RUNDC3B: variants seen among roughly 807,000 people sequenced by gnomAD.
RUNDC3B encodes RUN domain-containing protein 3B.
A neutral mutation model predicts 58.4 loss-of-function variants in RUNDC3B; 33 were observed. That is an observed-to-expected ratio of 0.56 (90% CI 0.43 to 0.75). RUNDC3B has a LOEUF of 0.75. Among genes scored for constraint, RUNDC3B ranks in the 30% least tolerant of loss-of-function variants. RUNDC3B has a pLI of 0.00. For synonymous variants in RUNDC3B, 193 were observed against 195.2 expected, an observed-to-expected ratio of 0.99 and a Z score of 0.10; for missense variants, 501 against 535.7, an observed-to-expected ratio of 0.94 and a Z score of 0.64.
At position 87,740,039 on chromosome 7, in the gene RUNDC3B, T is replaced by A. The variant is rs182433944; in HGVS notation, c.548+159T>A. 3.3e-3 allele frequency among the ~76,000 whole-genome samples: 496 copies of A among 152,280 alleles called. 12 individuals carry two copies. Among genetic ancestry groups the A allele is most frequent in the Non-Finnish European group, 4.9e-3 (332 of 67,984 alleles). On this transcript the variant is annotated intron_variant, in intron 5 of 10. Transcript: ENST00000394654. ...AAATGACATCAGTTTGTTTTCTAAA[T>A]GAGTTTGCTCTCAGAAAAGAGACTG...
chr7:87,733,224 G>A (rs944899510), intron 4 of RUNDC3B, among the ~76,000 whole-genome samples: 2 of 152,148 alleles, frequency 1.3e-5, no homozygotes, highest in African/African-American at 4.8e-5. Context: ...GGGAATCTTG[G>A]TGATGTGAAA....
chr7:87,825,391 T>C (rs1048651999), intron 10 of RUNDC3B, among the ~76,000 whole-genome samples: 1 of 152,056 alleles, frequency 6.6e-6, no homozygotes, highest in African/African-American at 2.4e-5. Flanking sequence ...TGCACACAAG[T>C]CAAGAATTGG....
intron 6 of RUNDC3B, among the ~76,000 whole-genome samples, chr7:87,767,025 A>T (rs58733016): frequency 0.03 from 4,512 of 152,064 alleles, 64 homozygotes; most frequent in Middle Eastern, 0.048. Context: ...TTGGTCTTTT[A>T]TACTGTTAAA....
At position 87,700,406 on chromosome 7, in the gene RUNDC3B, A is replaced by G. The variant is rs1365938540; in HGVS notation, c.239-15A>G. The G allele has an allele frequency of 1.3e-6, 2 of 1,571,500 alleles. No homozygotes were observed. Among genetic ancestry groups the G allele is most frequent in the East Asian group, 2.3e-5 (1 of 44,426 alleles). On this transcript the variant is annotated splice_polypyrimidine_tract_variant and intron_variant, in intron 2 of 10. Transcript: ENST00000394654. ...TTACTTTTTAAAATTTTATATCGCA[A>G]TTTGTCTCCTGAAGGTCAAGTAACC...
chr7:87,702,465 A>T (rs1829177798), intron 3 of RUNDC3B, among the ~76,000 whole-genome samples: 1 of 151,946 alleles, frequency 6.6e-6, no homozygotes, highest in Non-Finnish European at 1.5e-5. Flanking sequence ...TTTTTTGTAG[A>T]GATAATATCT....
chr7:87,633,001 G>A (rs911286501), intron 1 of RUNDC3B, among the ~76,000 whole-genome samples: 17 of 152,212 alleles, frequency 1.1e-4, no homozygotes, highest in Middle Eastern at 3.4e-3. Flanking sequence ...GACAAGTGAT[G>A]ATTTCACAAT....
intron 6 of RUNDC3B, among the ~76,000 whole-genome samples, chr7:87,753,883 G>A (rs1833186373): frequency 2.0e-5 from 3 of 152,086 alleles, no homozygotes; most frequent in Admixed American, 1.3e-4. Context: ...TTTGTCACAG[G>A]TAGCGACTAT....
At chr7:87,752,762 C>G (rs1244619905) in intron 6 of RUNDC3B, among the ~76,000 whole-genome samples, 1 of 152,048 alleles carries the variant, frequency 6.6e-6, no homozygotes, top group Non-Finnish European at 1.5e-5. Flanking sequence ...TGATTCTTCT[C>G]TCTTTTTTTC....
At chr7:87,676,969 A>G (rs1482407161) in intron 2 of RUNDC3B, among the ~76,000 whole-genome samples, 1 of 152,108 alleles carries the variant, frequency 6.6e-6, no homozygotes, top group East Asian at 1.9e-4. Context: ...AAAACAATCA[A>G]AAGATAACAA....
chr7:87,824,010 G>A (rs371738417), intron 10 of RUNDC3B, among the ~76,000 whole-genome samples: 4 of 152,118 alleles, frequency 2.6e-5, no homozygotes, highest in African/African-American at 9.6e-5. Flanking sequence ...CAGGAAAAAA[G>A]ATGTTATAAA....
chr7:87,788,828 A>C (rs1835372049), intron 8 of RUNDC3B, among the ~76,000 whole-genome samples: 1 of 150,372 alleles, frequency 6.7e-6, no homozygotes, highest in African/African-American at 2.5e-5. Flanking sequence ...TGTCATAATT[A>C]TTTATGCTAA....
intron 7 of RUNDC3B, among the ~76,000 whole-genome samples, chr7:87,773,486 T>C (rs762942067): frequency 5.3e-5 from 8 of 152,156 alleles, no homozygotes; most frequent in Admixed American, 1.3e-4. Flanking sequence ...TTTAATGTCT[T>C]TCAGAGTAAT....
Position 87,752,087 on chromosome 7 carries a change from G to A in RUNDC3B, c.629+10508G>A, listed in dbSNP as rs200515831. Among the ~76,000 whole-genome samples, 1,092 of 152,220 alleles carry A rather than the reference G, an allele frequency of 7.2e-3. 9 individuals are homozygous for A. The highest frequency in any genetic ancestry group is 0.049 in the East Asian group (256 of 5,186). On this transcript the variant is annotated intron_variant, in intron 6 of 10. Transcript: ENST00000394654. ...TTATTGAGAGTTTTTAGCATGAAGC[G>A]TTGTTGAATTTTGTCAAAGGCCTTT...
At chr7:87,637,258 A>G (rs764839638) in intron 1 of RUNDC3B, among the ~76,000 whole-genome samples, 1 of 152,208 alleles carries the variant, frequency 6.6e-6, no homozygotes, top group Non-Finnish European at 1.5e-5. Context: ...GTCTGTTTCT[A>G]GACTTTCTTT....
intron 4 of RUNDC3B, among the ~76,000 whole-genome samples, chr7:87,721,358 C>T (rs1830875170): frequency 1.3e-5 from 2 of 152,026 alleles, no homozygotes; most frequent in Non-Finnish European, 2.9e-5. Context: ...TGTCAGTTCT[C>T]TGAATATACA....
intron 10 of RUNDC3B, among the ~76,000 whole-genome samples, chr7:87,824,532 T>C (rs907428259): frequency 2.6e-5 from 4 of 152,084 alleles, no homozygotes; most frequent in African/African-American, 7.2e-5. Flanking sequence ...ACTAATATAG[T>C]AAATTGGTAC....
chr7:87,745,604 G>A (rs1282874078), intron 6 of RUNDC3B, among the ~76,000 whole-genome samples: 5 of 152,080 alleles, frequency 3.3e-5, no homozygotes, highest in Admixed American at 2.6e-4. Flanking sequence ...ATGCATAAAG[G>A]TGTTCATAGT....
intron 7 of RUNDC3B, among the ~76,000 whole-genome samples, chr7:87,772,550 G>A (rs1337883485): frequency 6.6e-6 from 1 of 152,158 alleles, no homozygotes; most frequent in African/African-American, 2.4e-5. Flanking sequence ...AGTGAAGGTG[G>A]TTAGAGACAT....
At chr7:87,750,974 T>C (rs1832946046) in intron 6 of RUNDC3B, among the ~76,000 whole-genome samples, 1 of 152,230 alleles carries the variant, frequency 6.6e-6, no homozygotes, top group Admixed American at 6.5e-5. Context: ...TCCTGAATGG[T>C]AAAGCCTAGG....
Sources: allele counts gnomAD v4.1 joint callset (sites outside exome capture counted in the v4.1 genomes callset), GRCh38; gene constraint gnomAD v4.1.1; transcripts MANE v1.5; gene names NCBI Gene and HGNC (gene_info 2026-07-23, HGNC 2026-07-21).